The following ELP1 variants were observed in gnomAD, a reference collection of about 807,000 sequenced individuals.
ELP1 encodes the protein elongator complex protein 1.
Under a neutral mutation model 183.2 loss-of-function variants are expected in ELP1, and 131 were observed. The observed-to-expected ratio is 0.72, with a 90% CI of 0.62 to 0.83. ELP1 has a LOEUF of 0.83. Ranked by LOEUF, ELP1 falls within the 40% of genes least tolerant of loss-of-function variation. ELP1 has a pLI of 0.00. For missense variants in ELP1, 1,550 were observed against 1,594.9 expected (o/e 0.97, Z 0.48); for synonymous variants, 555 against 569.0 (o/e 0.98, Z 0.35).
At chr9:108,931,933 C>T (rs1173226177) in intron 1 of ELP1, among the ~76,000 whole-genome samples, 3 of 152,180 alleles carry the variant, frequency 2.0e-5, no homozygotes. Context: ...CTGGCAAAAT[C>T]AGGCTTGCTT....
Position 108,931,203 on chromosome 9 carries a change from T to C in ELP1, c.-55-2A>G, listed in dbSNP as rs1351615774. 9.3e-6 allele frequency: 14 copies of C among 1,506,180 alleles called. No individual in the cohort carries two copies. Among genetic ancestry groups the C allele is most frequent in the African/African-American group, 1.4e-5 (1 of 72,790 alleles). 93.3% of individuals were successfully genotyped at this position (1,506,180 alleles called of 1,614,324 possible). ...TATCCCTTGATGAATCATTAATCTC[T>C]AAGAGAAAAATAAATAGCTTAATAG... On this transcript the variant is annotated splice_acceptor_variant, in intron 1 of 36. Transcript: ENST00000374647. LOFTEE classifies it low-confidence loss of function (5UTR_SPLICE).
At chr9:108,903,848 CACACTT>C (rs1202046701) in intron 14 of ELP1, among the ~76,000 whole-genome samples, 179 bp from the exon 15 acceptor site, 1 of 142,308 alleles carries the variant, frequency 7.0e-6, no homozygotes, top group African/African-American at 2.6e-5. Flanking sequence ...CACACACACA[CACACTT>C]ATACACTTAG....
chr9:108,891,468 T>A, intron 27 of ELP1, 64 bp from the exon 28 acceptor site: 1 of 1,461,604 alleles, frequency 6.8e-7, no homozygotes, highest in East Asian at 2.3e-5. Context: ...AAAGCTCCAG[T>A]GTAGCTGCCT....
rs568552016 is a variant in ELP1, at chr9:108,931,957, T to C, written c.-55-756A>G. Among the ~76,000 whole-genome samples, 23 of 152,288 alleles carry C rather than the reference T, an allele frequency of 1.5e-4. No homozygotes were observed. In the South Asian group the frequency reaches 4.1e-3, roughly 27 times the overall value. ...TCAGGCTTGCTTAAATGCATAACAT[T>C]ACCTAAGTAGGGGAAAAAAATGTTA... On this transcript the variant is annotated intron_variant, in intron 1 of 36. Coordinates refer to ENST00000374647, the MANE Select transcript of ELP1 (RefSeq NM_003640.5).
chr9:108,880,057 C>T lies in ELP1; in HGVS notation c.3455G>A (p.Gly1152Asp). 1.2e-6 allele frequency: 2 copies of T among 1,609,724 alleles called. No homozygotes were observed. The highest frequency in any genetic ancestry group is 1.7e-4 in the Middle Eastern group (1 of 6,056). ...RELKEQAQQA[G>D]LDDEVPHGQE... ...GCCTTCACGCAGATACTCACCCAGA[C>T]CTGCCTGCTGGGCTTGCTCCTTGAG... is the stretch of plus-strand genomic sequence containing the variant. Residue 1152 changes from glycine (G) to aspartate (D), a missense_variant, in exon 32 of 37, where the codon GGT becomes GAT. Coordinates refer to ENST00000374647, the MANE Select transcript of ELP1 (RefSeq NM_003640.5).
chr9:108,880,381 C>T (rs1827880450), intron 31 of ELP1, among the ~76,000 whole-genome samples: 1 of 152,034 alleles, frequency 6.6e-6, no homozygotes, highest in South Asian at 2.1e-4. Context: ...ATATGCGCTA[C>T]CACTGAACTT....
rs755579189 is a variant in ELP1, at chr9:108,896,578, A to C, written c.2654T>G (p.Val885Gly). 1 of 1,613,694 alleles carries C rather than the reference A, an allele frequency of 6.2e-7. No individual in the cohort carries two copies. The highest frequency in any genetic ancestry group is 8.5e-7 in the Non-Finnish European group (1 of 1,179,578). ...ATGATCATATAATTCATTAACATCT[A>C]CCAGATGCAGCAAATATTTCAAGGC... ...EEALKYLLHL[V>G]DVNELYDHSL... The change falls in exon 25 of 37, where the codon GTA (valine) becomes GGA (glycine). Residue 885 changes from valine to glycine, a missense_variant. Transcript: ENST00000374647.
At chr9:108,926,403 T>TA in intron 5 of ELP1, 120 bp downstream of exon 5, 1 of 794,988 alleles carries the variant, frequency 1.3e-6, no homozygotes, top group Non-Finnish European at 2.1e-6. Context: ...AGACATTTAA[T>TA]AGCTGGGGGT....
chr9:108,891,267 G>A lies in ELP1; in HGVS notation c.3096C>T (p.Leu1032=), dbSNP rs752605614. 6.2e-7 allele frequency: 1 copy of A among 1,614,242 alleles called. No homozygotes were observed. Among genetic ancestry groups the A allele is most frequent in the Non-Finnish European group, 8.5e-7 (1 of 1,180,040 alleles). The change falls in exon 28 of 37, where the codon CTC becomes CTT. Residue 1032 remains leucine (L), a synonymous_variant. Transcript: ENST00000374647. ...FLTCGNWKQA[L]CVAAQLNFTK... is the part of the protein sequence containing the mutation. ...TAAAGTTAAGCTGGGCTGCCACACA[G>A]AGGGCTTGCTTCCAGTTGCCACATG...
chr9:108,884,122 A>C lies in ELP1; in HGVS notation c.3223-1935T>G, dbSNP rs544080210. Among the ~76,000 whole-genome samples the C allele has an allele frequency of 2.6e-5, 4 of 152,318 alleles. No individual in the cohort carries two copies. In the East Asian group the frequency reaches 7.7e-4, roughly 29 times the overall value. On this transcript the variant is annotated intron_variant, in intron 29 of 36. Coordinates refer to ENST00000374647, the MANE Select transcript of ELP1 (RefSeq NM_003640.5). ...ATATGCAATGAAAAGACTAACCAAG[A>C]GAAAGCTGGAAGAATTATATTAATA...
intron 2 of ELP1, among the ~76,000 whole-genome samples, chr9:108,930,254 T>C (rs1177438220): frequency 6.6e-6 from 1 of 152,206 alleles, no homozygotes; most frequent in East Asian, 1.9e-4. Context: ...AGGATGTAAC[T>C]GCCTAAAATG....
chr9:108,876,142 G>A (rs1243964194), intron 35 of ELP1, among the ~76,000 whole-genome samples: 2 of 151,980 alleles, frequency 1.3e-5, no homozygotes, highest in Non-Finnish European at 2.9e-5. Flanking sequence ...CAGGTGTTGT[G>A]GCATGCGCCT....
chr9:108,899,273 C>T (rs1828679059), intron 20 of ELP1, among the ~76,000 whole-genome samples: 1 of 151,642 alleles, frequency 6.6e-6, no homozygotes, highest in Non-Finnish European at 1.5e-5. Flanking sequence ...GTACTCCAGC[C>T]TGGGTGACAG....
intron 20 of ELP1, among the ~76,000 whole-genome samples, chr9:108,899,562 CAT>C (rs1232726983): frequency 1.3e-5 from 2 of 151,824 alleles, no homozygotes; most frequent in Admixed American, 6.6e-5. Context: ...CTAAAACCCA[CAT>C]GTGTTCCCTC....
intron 20 of ELP1, among the ~76,000 whole-genome samples, chr9:108,899,445 G>A (rs946714910): frequency 2.0e-5 from 3 of 152,158 alleles, no homozygotes; most frequent in Non-Finnish European, 4.4e-5. Flanking sequence ...GGCTTTTCTG[G>A]GTCATAGGCC....
At chr9:108,875,704 G>C (rs373951038) in intron 35 of ELP1, 1 of 420,914 alleles carries the variant, frequency 2.4e-6, no homozygotes, top group Admixed American at 2.8e-5. Context: ...AGACCAGCTT[G>C]GGCAACACAG....
At chr9:108,923,819 C>T (rs1029384512) in intron 5 of ELP1, among the ~76,000 whole-genome samples, 4 of 152,360 alleles carry the variant, frequency 2.6e-5, no homozygotes, top group African/African-American at 9.6e-5. Context: ...CACAACCCTT[C>T]TGTTCCTGGA....
intron 36 of ELP1, among the ~76,000 whole-genome samples, chr9:108,870,186 C>G (rs985403972): frequency 6.6e-6 from 1 of 152,098 alleles, no homozygotes; most frequent in African/African-American, 2.4e-5. Flanking sequence ...AGGCTACTCT[C>G]AAAACTCCTG....
At chr9:108,904,625 G>A (rs1023048084) in intron 14 of ELP1, among the ~76,000 whole-genome samples, 24 of 152,150 alleles carry the variant, frequency 1.6e-4, no homozygotes, top group Admixed American at 7.9e-4. Flanking sequence ...AGCTAGACTC[G>A]CTGGGATTTG....
Sources: gnomAD v4.1 joint callset for allele counts (sites outside exome capture counted in the v4.1 genomes callset) on GRCh38, gnomAD v4.1.1 for gene constraint, MANE v1.5 for transcripts, NCBI Gene and HGNC (gene_info 2026-07-23, HGNC 2026-07-21) for gene names.